The following SSUH2 variants were observed in gnomAD, a reference collection of about 807,000 sequenced individuals.
SSUH2 encodes the protein protein SSUH2 homolog.
In SSUH2, 47 loss-of-function variants were observed where a neutral mutation model predicts 55.3. That is an observed-to-expected ratio of 0.85 (90% CI 0.67 to 1.08). The LOEUF (loss-of-function observed/expected upper bound fraction) is 1.08, where lower values mean the gene tolerates loss of function less well. SSUH2 is among the 50% of genes least tolerant of loss of function. SSUH2 has a pLI of 0.00. For synonymous variants in SSUH2, 212 were observed against 191.5 expected (o/e 1.11, Z -0.89); for missense variants, 535 against 490.7 (o/e 1.09, Z -0.85).
chr3:8,666,382 A>G (rs780856005), intron 5 of SSUH2, among the ~76,000 whole-genome samples: 7 of 152,320 alleles, frequency 4.6e-5, no homozygotes, highest in Admixed American at 1.3e-4. Context: ...TGTATCTGCT[A>G]AGTACACCAA....
chr3:8,636,248 A>G (rs1356196944), intron 1 of SSUH2, among the ~76,000 whole-genome samples: 1 of 152,190 alleles, frequency 6.6e-6, no homozygotes, highest in Non-Finnish European at 1.5e-5. Context: ...GACTGCAGCT[A>G]CTTCTGCCTC....
At chr3:8,672,364 G>T (rs1031976459) in intron 3 of SSUH2, among the ~76,000 whole-genome samples, 2 of 151,928 alleles carry the variant, frequency 1.3e-5, no homozygotes, top group Non-Finnish European at 2.9e-5. Context: ...TCACAGTGTG[G>T]GTGTACACCT....
intron 3 of SSUH2, chr3:8,634,049 T>G (rs1335328849): frequency 3.4e-6 from 4 of 1,188,566 alleles, no homozygotes; most frequent in Non-Finnish European, 3.5e-6. Context: ...GGAGAAAAGC[T>G]GATAGAATCC....
At position 8,625,645 on chromosome 3, in the gene SSUH2, T is replaced by G; in HGVS notation, c.770A>C (p.Lys257Thr). The change falls in exon 10 of 12, where the codon AAG becomes ACG. Residue 257 changes from lysine (K) to threonine (T), a missense_variant and splice_region_variant. Lys to Thr is a moderately conservative substitution (Grantham distance 78). Transcript: ENST00000544814. Reference sequence around the variant, plus strand: ...AGACACAAACTCAAACAAGCTGTTCTTCCTGGAGGGAAGGAGGATGAGGGA... The same window carrying G: ...AGACACAAACTCAAACAAGCTGTTCGTCCTGGAGGGAAGGAGGATGAGGGA... Reference protein sequence around the residue: ...LHFIQLVIMWKNSLFEFVSEH... With the variant: ...LHFIQLVIMWTNSLFEFVSEH... The G allele has an allele frequency of 6.2e-7, 1 of 1,610,358 alleles. No homozygotes were observed. The highest frequency in any genetic ancestry group is 8.5e-7 in the Non-Finnish European group (1 of 1,176,668).
chr3:8,639,876 G>A (rs1700547297), intron 1 of SSUH2: 2 of 815,846 alleles, frequency 2.5e-6, no homozygotes, highest in South Asian at 1.1e-4. Flanking sequence ...AGAAAGGAAT[G>A]GCATTCAACA....
chr3:8,636,644 C>A (rs951036003), intron 1 of SSUH2, among the ~76,000 whole-genome samples: 1 of 152,154 alleles, frequency 6.6e-6, no homozygotes, highest in Non-Finnish European at 1.5e-5. Context: ...TTTCTTGGAG[C>A]CACATGGAGT....
chr3:8,677,031 G>A (rs555164105), intron 3 of SSUH2, among the ~76,000 whole-genome samples: 1 of 147,820 alleles, frequency 6.8e-6, no homozygotes, highest in Non-Finnish European at 1.5e-5. Context: ...GCGGTGGGGG[G>A]AGGAACCCCC....
rs1027889107 is a variant in SSUH2 at position 8,632,925 on chromosome 3, G to A, written c.339+741C>T. Reference sequence around the variant, plus strand: ...ATGAAGTGAGGACATAGGCTTTGAGGCTACCAAATCTGAGTTTGAATCTCA... The same window carrying A: ...ATGAAGTGAGGACATAGGCTTTGAGACTACCAAATCTGAGTTTGAATCTCA... On this transcript the variant is annotated intron_variant, in intron 4 of 11. Transcript: ENST00000544814. Among the ~76,000 whole-genome samples the A allele has an allele frequency of 7.2e-5, 11 of 152,140 alleles. 1 individual carries two copies. Among genetic ancestry groups the A allele is most frequent in the Non-Finnish European group, 1.5e-5 (1 of 68,022 alleles).
At chr3:8,658,543 C>T (rs1435013961) in intron 7 of SSUH2, among the ~76,000 whole-genome samples, 2 of 152,202 alleles carry the variant, frequency 1.3e-5, no homozygotes, top group Admixed American at 1.3e-4. Context: ...TTCTTGGGCT[C>T]CCCAAGGTAA....
chr3:8,651,039 G>A (rs571543927), intron 7 of SSUH2, among the ~76,000 whole-genome samples: 1 of 152,228 alleles, frequency 6.6e-6, no homozygotes, highest in African/African-American at 2.4e-5. Context: ...GCAATTGCAC[G>A]CATTTTGCAC....
chr3:8,680,435 G>A (rs565613706), intron 1 of SSUH2, among the ~76,000 whole-genome samples: 7 of 151,908 alleles, frequency 4.6e-5, no homozygotes, highest in South Asian at 2.1e-4. Context: ...GTACACCCTC[G>A]GTGTACAGAG....
intron 3 of SSUH2, among the ~76,000 whole-genome samples, chr3:8,673,653 G>C (rs576930520): frequency 1.1e-4 from 16 of 152,184 alleles, no homozygotes; most frequent in Middle Eastern, 3.2e-3. Context: ...GCAAAAGGCG[G>C]AGAGGGCTCC....
At chr3:8,629,508 T>TTTTTTC in intron 7 of SSUH2, 156 bp downstream of exon 7, 1 of 637,656 alleles carries the variant, frequency 1.6e-6, no homozygotes, top group Non-Finnish European at 2.8e-6. Flanking sequence ...TTTCATTTTA[T>TTTTTTC]AGACGGGAAA....
chr3:8,634,301 G>A (rs571504357), intron 3 of SSUH2: 8 of 1,040,536 alleles, frequency 7.7e-6, no homozygotes, highest in South Asian at 7.4e-5. Context: ...AGGACCGTGG[G>A]TGGGACGACA....
chr3:8,622,982 A>G (rs1436977478), intron 11 of SSUH2, among the ~76,000 whole-genome samples: 2 of 152,216 alleles, frequency 1.3e-5, no homozygotes, highest in African/African-American at 4.8e-5. Context: ...CAGCTCCAGC[A>G]AAGCACATTA....
chr3:8,662,354 G>A (rs576722753), intron 6 of SSUH2, among the ~76,000 whole-genome samples: 8 of 152,220 alleles, frequency 5.3e-5, no homozygotes, highest in South Asian at 2.1e-4. Context: ...GATACCAAAC[G>A]TCAGTACTGA....
At chr3:8,644,304 G>A (rs993177926) in intron 1 of SSUH2, among the ~76,000 whole-genome samples, 3 of 152,118 alleles carry the variant, frequency 2.0e-5, no homozygotes, top group Non-Finnish European at 4.4e-5. Flanking sequence ...TAAGAATCCT[G>A]AAAATCTCAC....
intron 4 of SSUH2, chr3:8,671,187 A>C (rs1391825025): frequency 5.7e-6 from 1 of 176,728 alleles, no homozygotes; most frequent in East Asian, 1.3e-4. Flanking sequence ...AAGGGTGTAC[A>C]GGACCTGTGA....
At chr3:8,628,908 T>G (rs1022142906) in intron 7 of SSUH2, among the ~76,000 whole-genome samples, 2 of 152,206 alleles carry the variant, frequency 1.3e-5, no homozygotes, top group Admixed American at 1.3e-4. Flanking sequence ...CAGGCGGGAG[T>G]GCAGTGGCAC....
Sources: gnomAD v4.1 joint callset for allele counts (sites outside exome capture counted in the v4.1 genomes callset) on GRCh38, gnomAD v4.1.1 for gene constraint, MANE v1.5 for transcripts, NCBI Gene and HGNC (gene_info 2026-07-23, HGNC 2026-07-21) for gene names.